Variants in GUCY1A2 observed in about 807,000 individuals in gnomAD.
The protein encoded by GUCY1A2 is guanylate cyclase soluble subunit alpha-2.
In GUCY1A2, 27 loss-of-function variants were observed where a neutral mutation model predicts 63.5. The ratio of observed to expected loss-of-function variants is 0.43; its 90% confidence interval spans 0.31 to 0.59. The LOEUF is 0.59. Ranked by LOEUF, GUCY1A2 falls within the 20% of genes least tolerant of loss-of-function variation. The pLI is 0.11. For synonymous variants in GUCY1A2, 364 were observed against 343.5 expected (o/e 1.06, Z -0.66); for missense variants, 768 against 913.3 (o/e 0.84, Z 2.05).
At chr11:106,712,003 GATTTACCTT>G in intron 6 of GUCY1A2, among the ~76,000 whole-genome samples, 1 of 151,780 alleles carries the variant, frequency 6.6e-6, no homozygotes, top group African/African-American at 2.4e-5. Context: ...ATTTAGTTAT[GATTTACCTT>G]GATGTTTTTT....
At chr11:106,853,085 T>C (rs560881367) in intron 4 of GUCY1A2, among the ~76,000 whole-genome samples, 139 of 152,310 alleles carry the variant, frequency 9.1e-4, no homozygotes, top group African/African-American at 3.0e-3. Flanking sequence ...TCTTTTACTG[T>C]TGCCTGTTTG....
rs574979451 is a variant in GUCY1A2, at chr11:106,787,114, TATTA to T, written c.1693-10536_1693-10533del. ...ATTTTTTGTGTGGTGGTTTCTTTTT[TATTA>T]ATTTTTTATTTTTAATTGTGGGTAC... On this transcript the variant is annotated intron_variant, in intron 5 of 7. Transcript: ENST00000526355. 1.5e-3 allele frequency among the ~76,000 whole-genome samples: 224 copies of T among 151,924 alleles called. 2 individuals carry two copies. Among genetic ancestry groups the T allele is most frequent in the African/African-American group, 5.0e-3 (208 of 41,500 alleles).
chr11:106,937,802 C>G (rs1289873571), intron 4 of GUCY1A2, among the ~76,000 whole-genome samples: 1 of 152,054 alleles, frequency 6.6e-6, no homozygotes, highest in Admixed American at 6.6e-5. Context: ...CTAAAATATC[C>G]AAATGTGCCA....
chr11:106,827,894 G>C, intron 4 of GUCY1A2: 1 of 1,525,666 alleles, frequency 6.6e-7, no homozygotes, highest in Non-Finnish European at 9.1e-7. Context: ...CCTTCATGCT[G>C]CCGGACTCCC....
At chr11:106,708,902 T>A (rs548533803) in intron 6 of GUCY1A2, among the ~76,000 whole-genome samples, 1 of 151,350 alleles carries the variant, frequency 6.6e-6, no homozygotes, top group Non-Finnish European at 1.5e-5. Flanking sequence ...TATGAAAAAA[T>A]TTATGTTTAA....
intron 3 of GUCY1A2, among the ~76,000 whole-genome samples, chr11:106,956,543 T>A (rs181812751): frequency 6.6e-6 from 1 of 152,098 alleles, no homozygotes; most frequent in African/African-American, 2.4e-5. Context: ...CCCTCTTCTG[T>A]AGGACTGCTG....
intron 4 of GUCY1A2, among the ~76,000 whole-genome samples, chr11:106,855,961 C>T (rs1235717326): frequency 1.3e-5 from 2 of 149,980 alleles, no homozygotes; most frequent in Non-Finnish European, 3.0e-5. Flanking sequence ...GGTCTCATTC[C>T]ATCACCCAGG....
intron 6 of GUCY1A2, among the ~76,000 whole-genome samples, chr11:106,767,115 G>A (rs1864178517): frequency 6.6e-6 from 1 of 151,840 alleles, no homozygotes; most frequent in African/African-American, 2.4e-5. Context: ...AGTCTTAGTG[G>A]GACACTGGAG....
At position 106,708,984 on chromosome 11, in the gene GUCY1A2, A is replaced by G. The variant is rs1028237490; in HGVS notation, c.1837-318T>C. On this transcript the variant is annotated intron_variant, in intron 6 of 7. Transcript: ENST00000526355. Reference sequence around the variant, plus strand: ...CTGTATGTAATATGGTCTAACTTGAAAAGTATATTTTTCTCCACTTTCTCC... The same window carrying G: ...CTGTATGTAATATGGTCTAACTTGAGAAGTATATTTTTCTCCACTTTCTCC... Among the ~76,000 whole-genome samples the G allele has an allele frequency of 2.7e-5, 4 of 150,784 alleles. No individual in the cohort carries two copies. In the Admixed American group the frequency reaches 2.7e-4, roughly 10 times the overall value.
intron 4 of GUCY1A2, among the ~76,000 whole-genome samples, chr11:106,917,949 A>G (rs1311848285): frequency 6.9e-6 from 1 of 144,216 alleles, no homozygotes; most frequent in Non-Finnish European, 1.6e-5. Flanking sequence ...ATAAAAAAAA[A>G]AAAAAGAAAT....
At chr11:106,774,052 A>G (rs1346829148) in intron 6 of GUCY1A2, among the ~76,000 whole-genome samples, 1 of 152,172 alleles carries the variant, frequency 6.6e-6, no homozygotes, top group African/African-American at 2.4e-5. Flanking sequence ...ACCAATTTCA[A>G]TTAGTTTTCT....
chr11:106,889,056 ATC>A (rs768570900), intron 4 of GUCY1A2, among the ~76,000 whole-genome samples: 5 of 152,206 alleles, frequency 3.3e-5, no homozygotes, highest in African/African-American at 4.8e-5. Context: ...AATGCACTGT[ATC>A]TCTTAACATA....
chr11:106,808,637 A>G (rs1314432126), intron 5 of GUCY1A2, among the ~76,000 whole-genome samples: 1 of 133,726 alleles, frequency 7.5e-6, no homozygotes, highest in Non-Finnish European at 1.7e-5. Flanking sequence ...AAAACAAAAC[A>G]AAACAAAACA....
chr11:106,816,109 G>A (rs544566716), intron 4 of GUCY1A2, among the ~76,000 whole-genome samples: 6 of 140,376 alleles, frequency 4.3e-5, no homozygotes, highest in Admixed American at 3.0e-4. Context: ...CTACAAATAC[G>A]ATCTAATTAA....
At chr11:106,793,734 C>G (rs1051000027) in intron 5 of GUCY1A2, among the ~76,000 whole-genome samples, 1 of 151,628 alleles carries the variant, frequency 6.6e-6, no homozygotes, top group Non-Finnish European at 1.5e-5. Flanking sequence ...TAAAAATGGC[C>G]AAGAGGTATA....
intron 4 of GUCY1A2, among the ~76,000 whole-genome samples, chr11:106,865,790 A>T (rs1230538986): frequency 6.6e-6 from 1 of 151,718 alleles, no homozygotes; most frequent in Non-Finnish European, 1.5e-5. Flanking sequence ...CCCAGAACTT[A>T]AAGTATAATA....
At chr11:106,775,699 C>A (rs150608419) in intron 6 of GUCY1A2, among the ~76,000 whole-genome samples, 1 of 144,568 alleles carries the variant, frequency 6.9e-6, no homozygotes, top group South Asian at 2.4e-4. Flanking sequence ...CCCGCCCCCC[C>A]GCCCCCGTGT....
At chr11:106,973,222 C>CT (rs931708030) in intron 3 of GUCY1A2, among the ~76,000 whole-genome samples, 29 of 152,084 alleles carry the variant, frequency 1.9e-4, no homozygotes, top group African/African-American at 6.8e-4. Context: ...GAAACACAGC[C>CT]TTTTTGCAGG....
At chr11:106,698,753 C>T (rs1862767013) in intron 7 of GUCY1A2, among the ~76,000 whole-genome samples, 1 of 152,160 alleles carries the variant, frequency 6.6e-6, no homozygotes, top group Non-Finnish European at 1.5e-5. Context: ...CTAGACCTAA[C>T]CTAGTTTATA....
Sources: allele counts gnomAD v4.1 joint callset (sites outside exome capture counted in the v4.1 genomes callset), GRCh38; gene constraint gnomAD v4.1.1; transcripts MANE v1.5; gene names NCBI Gene and HGNC (gene_info 2026-07-23, HGNC 2026-07-21).